The following NFYC variants were observed in gnomAD, a reference collection of about 807,000 sequenced individuals.
The protein encoded by NFYC is nuclear transcription factor Y subunit gamma, also known as CAAT box DNA-binding protein subunit C.
A neutral mutation model predicts 53.1 loss-of-function variants in NFYC; 25 were observed. The observed-to-expected ratio is 0.47, with a 90% CI of 0.34 to 0.66. The LOEUF (loss-of-function observed/expected upper bound fraction) is 0.66. Ranked by LOEUF, NFYC falls within the 30% of genes least tolerant of loss-of-function variation. The pLI, the probability that NFYC is intolerant of heterozygous loss-of-function variation, is 0.01. For missense variants in NFYC, 260 were observed against 422.7 expected (o/e 0.62, Z 3.38); for synonymous variants, 145 against 152.6 (o/e 0.95, Z 0.37).
chr1:40,731,514 CT>C (rs1337602469), intron 1 of NFYC, among the ~76,000 whole-genome samples: 1 of 148,802 alleles, frequency 6.7e-6, no homozygotes, highest in African/African-American at 2.5e-5. Context: ...GGGACAGAGT[CT>C]TGCTCTGTTG....
At chr1:40,751,449 A>C (rs533020717) in intron 4 of NFYC, among the ~76,000 whole-genome samples, 45 of 152,288 alleles carry the variant, frequency 3.0e-4, no homozygotes, top group African/African-American at 1.1e-3. Flanking sequence ...TCTGTGGCCT[A>C]GGCTGGAGTG....
At chr1:40,747,981 G>T (rs1219832972) in intron 3 of NFYC, among the ~76,000 whole-genome samples, 1 of 151,760 alleles carries the variant, frequency 6.6e-6, no homozygotes, top group African/African-American at 2.4e-5. Context: ...GATTACAGGC[G>T]CCCGCCACCA....
intron 1 of NFYC, among the ~76,000 whole-genome samples, chr1:40,732,107 C>G (rs547342865): frequency 5.9e-5 from 9 of 152,336 alleles, no homozygotes; most frequent in African/African-American, 2.2e-4. Flanking sequence ...TTCCCTTGGA[C>G]AGTTGTTGTG....
At chr1:40,720,527 T>C (rs1644291835) in intron 1 of NFYC, among the ~76,000 whole-genome samples, 1 of 152,148 alleles carries the variant, frequency 6.6e-6, no homozygotes, top group African/African-American at 2.4e-5. Context: ...ATTTTCCCAT[T>C]TCAAAGAAAA....
At chr1:40,758,016 A>C (rs1399989915) in intron 5 of NFYC, 105 bp from the exon 6 acceptor site, 7 of 1,259,134 alleles carry the variant, frequency 5.6e-6, no homozygotes, top group Non-Finnish European at 5.7e-6. Context: ...CTCAGCATTC[A>C]GCAGGCAACT....
chr1:40,756,112 G>A (rs935133204), intron 5 of NFYC, among the ~76,000 whole-genome samples: 3 of 152,116 alleles, frequency 2.0e-5, no homozygotes, highest in Non-Finnish European at 4.4e-5. Flanking sequence ...TGTGCTTTTT[G>A]TAAAATAATA....
At chr1:40,736,482 TC>T (rs1030225063) in intron 1 of NFYC, among the ~76,000 whole-genome samples, 41 of 152,200 alleles carry the variant, frequency 2.7e-4, no homozygotes, top group Non-Finnish European at 5.6e-4. Flanking sequence ...TGCTTTGCTT[TC>T]AGCCCCTCAG....
intron 2 of NFYC, among the ~76,000 whole-genome samples, chr1:40,741,319 A>G (rs866641996): frequency 1.3e-5 from 2 of 152,228 alleles, no homozygotes; most frequent in Non-Finnish European, 1.5e-5. Context: ...ACACTTTACT[A>G]TAAAATAGGG....
intron 1 of NFYC, among the ~76,000 whole-genome samples, chr1:40,712,979 A>C (rs972484583): frequency 3.3e-5 from 5 of 152,124 alleles, no homozygotes; most frequent in African/African-American, 1.2e-4. Flanking sequence ...TGGGATTACA[A>C]GCACTGGGAT....
chr1:40,756,857 A>G (rs561746556), intron 5 of NFYC, among the ~76,000 whole-genome samples: 38 of 152,354 alleles, frequency 2.5e-4, no homozygotes, highest in African/African-American at 8.9e-4. Flanking sequence ...AGAGAGAGCT[A>G]GGCTTTGCCC....
intron 3 of NFYC, 147 bp downstream of exon 3, chr1:40,747,752 T>C (rs1645687056): frequency 3.1e-6 from 2 of 640,910 alleles, no homozygotes; most frequent in Admixed American, 5.8e-5. Flanking sequence ...CTGTGCAAAA[T>C]TGTTAAGTGA....
At chr1:40,738,741 T>G (rs890382941) in intron 1 of NFYC, 95 bp from the exon 2 acceptor site, 2 of 828,252 alleles carry the variant, frequency 2.4e-6, no homozygotes, top group Non-Finnish European at 3.9e-6. Context: ...TTGAATAGAT[T>G]CATAAAAACA....
chr1:40,769,439 G>A (rs1437415487), intron 9 of NFYC, 24 bp downstream of exon 9: 55 of 1,612,270 alleles, frequency 3.4e-5, no homozygotes, highest in Non-Finnish European at 4.5e-5. Context: ...CCTGGGCTGG[G>A]CAGAGGGTGA....
At chr1:40,730,821 T>TA (rs1333536321) in intron 1 of NFYC, among the ~76,000 whole-genome samples, 1 of 152,196 alleles carries the variant, frequency 6.6e-6, no homozygotes, top group Non-Finnish European at 1.5e-5. Context: ...TATTTTTAGG[T>TA]AAAACATGTC....
At chr1:40,719,233 C>T (rs962068727) in intron 1 of NFYC, among the ~76,000 whole-genome samples, 2 of 152,158 alleles carry the variant, frequency 1.3e-5, no homozygotes, top group African/African-American at 2.4e-5. Context: ...CCTTGCTTAC[C>T]CCTAGTGAGG....
intron 1 of NFYC, chr1:40,695,598 TTTA>T (rs1178165248): frequency 1.3e-5 from 2 of 152,132 alleles, no homozygotes; most frequent in African/African-American, 2.4e-5. Flanking sequence ...TTTTTGTATT[TTTA>T]GTAGACACGG....
intron 8 of NFYC, 74 bp from the exon 9 acceptor site, chr1:40,769,282 C>T: frequency 6.9e-7 from 1 of 1,455,650 alleles, no homozygotes; most frequent in African/African-American, 1.4e-5. Flanking sequence ...TCTTTATGAC[C>T]CTCTTTTGGG....
chr1:40,722,821 C>T (rs1285211144), intron 1 of NFYC, among the ~76,000 whole-genome samples: 1 of 152,154 alleles, frequency 6.6e-6, no homozygotes, highest in Non-Finnish European at 1.5e-5. Flanking sequence ...TGCTTTAGTG[C>T]CCCCAACTGT....
intron 1 of NFYC, 136 bp downstream of exon 1, chr1:40,692,003 C>T: frequency 2.2e-5 from 6 of 271,640 alleles, no homozygotes; most frequent in South Asian, 1.6e-4. Flanking sequence ...GTCCTGCCCG[C>T]CGCCATGTTG....
Sources: gnomAD v4.1 joint callset for allele counts (sites outside exome capture counted in the v4.1 genomes callset) on GRCh38, gnomAD v4.1.1 for gene constraint, MANE v1.5 for transcripts, NCBI Gene and HGNC (gene_info 2026-07-23, HGNC 2026-07-21) for gene names.